CACNB4: variants seen among roughly 807,000 people sequenced by gnomAD.
CACNB4 encodes the protein voltage-dependent L-type calcium channel subunit beta-4.
CACNB4 carries 32 observed loss-of-function variants against 71.2 expected under a neutral mutation model. The ratio of observed to expected loss-of-function variants is 0.45; its 90% CI spans 0.34 to 0.60. The LOEUF is 0.60. Ranked by LOEUF, CACNB4 falls within the 20% of genes least tolerant of loss-of-function variation. CACNB4 has a pLI of 0.01. For synonymous variants in CACNB4, 231 were observed against 236.9 expected (o/e 0.97, Z 0.23); for missense variants, 464 against 647.9 (o/e 0.72, Z 3.08).
chr2:152,012,398 G>C (rs1465862873), intron 2 of CACNB4, among the ~76,000 whole-genome samples: 1 of 152,176 alleles, frequency 6.6e-6, no homozygotes, highest in African/African-American at 2.4e-5. Flanking sequence ...GAAGTCAGGA[G>C]TTCCAGACCA....
At chr2:151,864,474 C>T (rs976974451) in intron 9 of CACNB4, among the ~76,000 whole-genome samples, 16 of 152,198 alleles carry the variant, frequency 1.1e-4, no homozygotes, top group African/African-American at 3.1e-4. Context: ...ACGCTGGTAA[C>T]GTAACAGCTG....
At chr2:151,939,090 CT>C (rs1458577642) in intron 2 of CACNB4, among the ~76,000 whole-genome samples, 4 of 152,078 alleles carry the variant, frequency 2.6e-5, no homozygotes, top group Non-Finnish European at 5.9e-5. Flanking sequence ...TTTTGCCCTT[CT>C]TTGTTGGAGA....
intron 2 of CACNB4, among the ~76,000 whole-genome samples, chr2:152,007,676 AAC>A (rs946240794): frequency 2.0e-5 from 3 of 152,198 alleles, no homozygotes; most frequent in African/African-American, 7.2e-5. Flanking sequence ...TGCTGCTGTG[AAC>A]ACAGTTGTAC....
chr2:151,951,611 A>T (rs893744165), intron 2 of CACNB4, among the ~76,000 whole-genome samples: 4 of 152,244 alleles, frequency 2.6e-5, no homozygotes, highest in African/African-American at 9.6e-5. Context: ...AAGGGGAGAC[A>T]TGGAAAGAAA....
intron 2 of CACNB4, among the ~76,000 whole-genome samples, chr2:151,979,512 A>AT (rs2099874361): frequency 6.6e-6 from 1 of 152,096 alleles, no homozygotes; most frequent in African/African-American, 2.4e-5. Context: ...TAAAGCCACA[A>AT]TTTTCATGAA....
chr2:152,067,389 G>GT lies in CACNB4; in HGVS notation c.147+30940_147+30941insA, dbSNP rs71981530. Among the ~76,000 whole-genome samples the GT allele has an allele frequency of 2.6e-3, 344 of 131,802 alleles. 2 individuals carry two copies. Among genetic ancestry groups the GT allele is most frequent in the Middle Eastern group, 7.6e-3 (2 of 262 alleles). The allele number at this position is 131,802 out of a possible 152,430, so 86.5% of individuals were successfully genotyped here. ...GTTTTTTATAGAGATGTGTGTGTGT[G>GT]GGGGGGGGGGTGCCTCTCACTGTGT... On this transcript the variant is annotated intron_variant, in intron 2 of 13. Transcript: ENST00000539935.
At chr2:152,055,822 C>T (rs1685692785) in intron 2 of CACNB4, among the ~76,000 whole-genome samples, 1 of 152,058 alleles carries the variant, frequency 6.6e-6, no homozygotes, top group Admixed American at 6.5e-5. Context: ...ACTTTGACTA[C>T]TAAGGAGGAA....
chr2:151,857,484 T>A (rs1410134833), intron 10 of CACNB4: 1 of 152,212 alleles, frequency 6.6e-6, no homozygotes, highest in Non-Finnish European at 1.5e-5. Context: ...CCCTTTTCTC[T>A]CACATGGCAG....
At chr2:151,908,185 T>G (rs1266045294) in intron 2 of CACNB4, among the ~76,000 whole-genome samples, 2 of 152,146 alleles carry the variant, frequency 1.3e-5, no homozygotes, top group Admixed American at 1.3e-4. Flanking sequence ...CCAAAGAACC[T>G]GTTAAGGTGC....
rs1190562832 is a variant in CACNB4, at chr2:151,906,262, T to G, written c.148-22892A>C. Among the ~76,000 whole-genome samples, 4 of 152,236 alleles carry G rather than the reference T, an allele frequency of 2.6e-5. No homozygotes were observed. The South Asian group carries it at 6.2e-4, about 24-fold the overall frequency. On this transcript the variant is annotated intron_variant, in intron 2 of 13. Coordinates refer to ENST00000539935, the MANE Select transcript of CACNB4 (RefSeq NM_000726.5). ...CTCACCAACCCCTTTAAATAAGAAC[T>G]TCTCATGTTTCATCACATGAGTTTT... is the stretch of plus-strand genomic sequence containing the variant.
chr2:152,048,896 G>A (rs1322295538), intron 2 of CACNB4: 1 of 152,278 alleles, frequency 6.6e-6, no homozygotes, highest in Non-Finnish European at 1.5e-5. Context: ...AGAGCAGATG[G>A]AGGCAGAAGA....
rs201700362 is a variant in CACNB4, at chr2:151,853,457, T to C, written c.1107A>G (p.Gln369=). The change falls in exon 12 of 14, where the codon CAA becomes CAG. Residue 369 remains glutamine (Q), a synonymous_variant. Transcript: ENST00000539935. ...AAATGATCATACTTACTGGGGGGCA[T>C]TGTGCAAGTTTATCAGCTGCCACCA... The part of the protein sequence containing the change: ...VQLVAADKLA[Q]CPPEMFDVIL... 68 of 1,589,636 alleles carry C rather than the reference T, an allele frequency of 4.3e-5. No homozygotes were observed. Among genetic ancestry groups the C allele is most frequent in the African/African-American group, 1.8e-4 (13 of 74,190 alleles).
chr2:152,000,129 C>T (rs1196834602), intron 2 of CACNB4, among the ~76,000 whole-genome samples: 3 of 152,194 alleles, frequency 2.0e-5, no homozygotes, highest in African/African-American at 7.2e-5. Context: ...TGCTCATTTG[C>T]ATCAGCAAAT....
At chr2:152,053,360 G>A (rs1309190016) in intron 2 of CACNB4, among the ~76,000 whole-genome samples, 4 of 152,192 alleles carry the variant, frequency 2.6e-5, no homozygotes, top group African/African-American at 9.7e-5. Flanking sequence ...AGAGCTTGTG[G>A]ATTGCTGAGT....
intron 2 of CACNB4, among the ~76,000 whole-genome samples, chr2:151,925,546 G>A (rs1015224564): frequency 6.6e-6 from 1 of 152,172 alleles, no homozygotes; most frequent in Non-Finnish European, 1.5e-5. Context: ...TTGGAATCAT[G>A]TACATTAGCA....
chr2:151,895,094 CCCCACACACACACACACACACACACACA>C (rs1251471558), intron 2 of CACNB4, among the ~76,000 whole-genome samples: 32 of 132,828 alleles, frequency 2.4e-4, no homozygotes, highest in African/African-American at 7.9e-4. Context: ...ACTCAAATAG[CCCCACACACACACACACACACACACACA>C]CACACACACA....
chr2:151,986,149 A>T (rs1681357603), intron 2 of CACNB4, among the ~76,000 whole-genome samples: 1 of 152,220 alleles, frequency 6.6e-6, no homozygotes, highest in Admixed American at 6.5e-5. Context: ...ATCAAAATAA[A>T]GCACTTATTT....
At chr2:152,056,802 T>A (rs1685753313) in intron 2 of CACNB4, among the ~76,000 whole-genome samples, 2 of 152,204 alleles carry the variant, frequency 1.3e-5, no homozygotes, top group Admixed American at 6.5e-5. Context: ...AAGGCGAGAA[T>A]GGTGATTATC....
intron 2 of CACNB4, among the ~76,000 whole-genome samples, chr2:152,071,518 G>A (rs564591429): frequency 1.3e-4 from 20 of 152,020 alleles, no homozygotes; most frequent in African/African-American, 3.6e-4. Flanking sequence ...GAAACCTCTC[G>A]GCATGTTCTA....
Sources: allele counts gnomAD v4.1 joint callset (sites outside exome capture counted in the v4.1 genomes callset), GRCh38; gene constraint gnomAD v4.1.1; transcripts MANE v1.5; gene names NCBI Gene and HGNC (gene_info 2026-07-23, HGNC 2026-07-21).